FBXO36: variants seen among roughly 807,000 people sequenced by gnomAD.
FBXO36 encodes the protein F-box protein 36.
A neutral mutation model predicts 17.0 loss-of-function variants in FBXO36; 18 were observed. The observed-to-expected ratio is 1.06, with a 90% CI of 0.73 to 1.57. FBXO36 has a LOEUF of 1.57. FBXO36 is among the 40% of genes most tolerant of loss of function. The pLI is 0.00. For missense variants in FBXO36, 229 were observed against 221.9 expected (o/e 1.03, Z -0.20); for synonymous variants, 83 against 85.3 (o/e 0.97, Z 0.15).
At chr2:229,978,089 A>AAAAAC (rs1176552216) in intron 2 of FBXO36, among the ~76,000 whole-genome samples, 10 of 152,032 alleles carry the variant, frequency 6.6e-5, no homozygotes, top group South Asian at 2.1e-4. Flanking sequence ...TGGTCTCCAC[A>AAAAAC]AAAACAAAAC....
chr2:229,952,052 C>T (rs1185778984), intron 1 of FBXO36, among the ~76,000 whole-genome samples: 1 of 151,794 alleles, frequency 6.6e-6, no homozygotes, highest in African/African-American at 2.4e-5. Context: ...GTTTTTTTCT[C>T]CCTAACAGAA....
chr2:229,937,502 AT>A (rs1340929147), intron 1 of FBXO36, among the ~76,000 whole-genome samples: 2 of 152,154 alleles, frequency 1.3e-5, no homozygotes, highest in Non-Finnish European at 2.9e-5. Context: ...TTTCAAAAAA[AT>A]AATAATAATT....
At chr2:229,999,580 G>T (rs2077347355) in intron 3 of FBXO36, among the ~76,000 whole-genome samples, 1 of 150,132 alleles carries the variant, frequency 6.7e-6, no homozygotes, top group East Asian at 2.0e-4. Flanking sequence ...ATTTCATTGT[G>T]TTGCCCAGGT....
chr2:229,997,054 A>T (rs1331317562), intron 3 of FBXO36, 131 bp downstream of exon 3: 1 of 767,404 alleles, frequency 1.3e-6, no homozygotes, highest in Non-Finnish European at 2.1e-6. Flanking sequence ...AGCAGCAGAG[A>T]TGAAATGACA....
chr2:229,936,760 A>T (rs62191699), intron 1 of FBXO36, among the ~76,000 whole-genome samples: 2 of 152,166 alleles, frequency 1.3e-5, no homozygotes, highest in South Asian at 4.2e-4. Context: ...GGTCCCAGCT[A>T]TCTGGAAGGC....
chr2:230,010,052 G>A (rs370544816), intron 3 of FBXO36, among the ~76,000 whole-genome samples: 7 of 151,928 alleles, frequency 4.6e-5, no homozygotes, highest in East Asian at 3.9e-4. Context: ...ACCTGAGGTC[G>A]GGAGCTCAAG....
chr2:229,942,873 G>C (rs1202679120), intron 1 of FBXO36: 1 of 152,216 alleles, frequency 6.6e-6, no homozygotes, highest in African/African-American at 2.4e-5. Context: ...TCATGTGGTA[G>C]GAGCTGATGT....
At chr2:229,942,237 TC>T (rs1244364778) in intron 1 of FBXO36, among the ~76,000 whole-genome samples, 1 of 151,926 alleles carries the variant, frequency 6.6e-6, no homozygotes, top group African/African-American at 2.4e-5. Flanking sequence ...GCAGCGTCCT[TC>T]CCCCACGCAC....
At chr2:230,005,234 T>C (rs2077380768) in intron 3 of FBXO36, among the ~76,000 whole-genome samples, 1 of 152,074 alleles carries the variant, frequency 6.6e-6, no homozygotes, top group Non-Finnish European at 1.5e-5. Flanking sequence ...CTCAAATGTC[T>C]GGGACTACAG....
At chr2:229,983,175 A>G (rs2077249897) in intron 2 of FBXO36, among the ~76,000 whole-genome samples, 1 of 152,026 alleles carries the variant, frequency 6.6e-6, no homozygotes. Flanking sequence ...CGGGAGTTCG[A>G]GACCAGCCTG....
intron 2 of FBXO36, chr2:229,977,272 C>CA (rs1361037486): frequency 2.6e-5 from 4 of 152,264 alleles, no homozygotes; most frequent in Admixed American, 6.6e-5. Flanking sequence ...TGCTGGATTA[C>CA]AGGCATGAGC....
chr2:230,009,813 G>A (rs1252057605), intron 3 of FBXO36, among the ~76,000 whole-genome samples: 9 of 152,102 alleles, frequency 5.9e-5, no homozygotes, highest in Non-Finnish European at 1.2e-4. Flanking sequence ...AGGCATGGTG[G>A]TGTGCACCTG....
At chr2:229,926,834 A>ATCT (rs1209413144) in intron 1 of FBXO36, among the ~76,000 whole-genome samples, 1 of 152,066 alleles carries the variant, frequency 6.6e-6, no homozygotes, top group East Asian at 1.9e-4. Context: ...TAGATTAATA[A>ATCT]AGTGTTAGGG....
intron 1 of FBXO36, among the ~76,000 whole-genome samples, chr2:229,953,326 G>A (rs1240274977): frequency 6.6e-6 from 1 of 151,790 alleles, no homozygotes; most frequent in Non-Finnish European, 1.5e-5. Context: ...GCGACAGAGT[G>A]AGACTCTCAA....
intron 1 of FBXO36, among the ~76,000 whole-genome samples, chr2:229,958,076 T>C (rs781535909): frequency 2.8e-4 from 42 of 152,100 alleles, no homozygotes; most frequent in South Asian, 4.1e-4. Flanking sequence ...TGCCTGCCCA[T>C]ATCTGGGAAG....
chr2:229,924,800 G>T (rs1166063803), intron 1 of FBXO36, among the ~76,000 whole-genome samples: 3 of 149,672 alleles, frequency 2.0e-5, no homozygotes, highest in Admixed American at 6.7e-5. Flanking sequence ...GCAGCGTCTC[G>T]CACTGTCGCC....
At chr2:229,934,052 A>C (rs1439389463) in intron 1 of FBXO36, among the ~76,000 whole-genome samples, 1 of 152,122 alleles carries the variant, frequency 6.6e-6, no homozygotes, top group Admixed American at 6.6e-5. Flanking sequence ...GGAAAATTCT[A>C]AGTAAAACAA....
intron 2 of FBXO36, among the ~76,000 whole-genome samples, chr2:229,990,815 G>C (rs1454558141): frequency 6.6e-6 from 1 of 152,190 alleles, no homozygotes; most frequent in Non-Finnish European, 1.5e-5. Context: ...ATAATTCTTT[G>C]AGAGTTTATA....
intron 1 of FBXO36, among the ~76,000 whole-genome samples, chr2:229,941,189 C>T (rs1053399344): frequency 6.6e-6 from 1 of 152,160 alleles, no homozygotes; most frequent in African/African-American, 2.4e-5. Flanking sequence ...GGCACGGTGG[C>T]TCACGCCTGT....
Sources: gnomAD v4.1 joint callset for allele counts (sites outside exome capture counted in the v4.1 genomes callset) on GRCh38, gnomAD v4.1.1 for gene constraint, MANE v1.5 for transcripts, NCBI Gene and HGNC (gene_info 2026-07-23, HGNC 2026-07-21) for gene names.